POU1F1: variants seen among roughly 807,000 people sequenced by gnomAD.
POU1F1 encodes pituitary-specific positive transcription factor 1.
POU1F1 carries 23 observed loss-of-function variants against 32.3 expected under a neutral mutation model. The ratio of observed to expected loss-of-function variants is 0.71; its 90% CI spans 0.51 to 1.01. The LOEUF (loss-of-function observed/expected upper bound fraction) is 1.01, where lower values mean the gene tolerates loss of function less well. POU1F1 is among the 50% of genes least tolerant of loss of function. The pLI is 0.00. For synonymous variants in POU1F1, 120 were observed against 115.6 expected (o/e 1.04, Z -0.25); for missense variants, 323 against 341.6 (o/e 0.95, Z 0.43).
chr3:87,274,377 T>G (rs1706788976), intron 1 of POU1F1, among the ~76,000 whole-genome samples: 1 of 152,014 alleles, frequency 6.6e-6, no homozygotes, highest in African/African-American at 2.4e-5. Flanking sequence ...TCCTTCATAT[T>G]CTGAATATAT....
rs1269595329 is a variant in POU1F1 at position 87,261,324 on chromosome 3, T to A, written c.614A>T (p.Asn205Ile). 1 of 1,591,944 alleles carries A rather than the reference T, an allele frequency of 6.3e-7. No individual in the cohort carries two copies. Among genetic ancestry groups the A allele is most frequent in the Non-Finnish European group, 8.6e-7 (1 of 1,164,032 alleles). Residue 205 changes from asparagine (N) to isoleucine (I), a missense_variant, in exon 5 of 6, where the codon AAT (asparagine) becomes ATT (isoleucine). Asn to Ile is a moderately radical substitution (Grantham distance 149, BLOSUM62 -3). Coordinates refer to ENST00000350375, the MANE Select transcript of POU1F1 (RefSeq NM_000306.4). ...EEAEQVGALY[N>I]EKVGANERKR... ...CCTTTCATTTGCTCCCACTTTTTCA[T>A]TGTACAAAGCTATAATGTGGAAAAG...
chr3:87,267,422 C>T (rs1161874876), intron 2 of POU1F1, among the ~76,000 whole-genome samples: 1 of 152,082 alleles, frequency 6.6e-6, no homozygotes, highest in Non-Finnish European at 1.5e-5. Context: ...AAAATCATTG[C>T]CCGGTTCATT....
chr3:87,270,085 A>G (rs908603073), intron 2 of POU1F1, among the ~76,000 whole-genome samples: 1 of 152,086 alleles, frequency 6.6e-6, no homozygotes, highest in Admixed American at 6.6e-5. Context: ...GAGACTTTGA[A>G]CAGCATCTGT....
In POU1F1 at chr3:87,260,085, G is replaced by A; in HGVS notation, c.685C>T (p.Leu229=). 2 of 1,613,794 alleles carry A rather than the reference G, an allele frequency of 1.2e-6. No homozygotes were observed. Among genetic ancestry groups the A allele is most frequent in the Non-Finnish European group, 1.7e-6 (2 of 1,179,892 alleles). Residue 229 remains leucine, a synonymous_variant, in exon 6 of 6, where the codon CTG becomes TTG. Coordinates refer to ENST00000350375, the MANE Select transcript of POU1F1 (RefSeq NM_000306.4). ...TTISIAAKDA[L]ERHFGEQNKP... is the part of the protein sequence containing the mutation. ...TTCTGTTCTCCAAAGTGTCTCTCCA[G>A]AGCATCTTTAGCAGCAATGCTGGCG...
intron 3 of POU1F1, among the ~76,000 whole-genome samples, chr3:87,262,628 T>C (rs1307241794): frequency 5.3e-5 from 8 of 152,074 alleles, no homozygotes. Context: ...CTATAATGCA[T>C]AAAATATACG....
rs1290062215 is a variant in POU1F1, at chr3:87,259,763, G to A, written c.*131C>T. ...GTTGGTTTCTTTTTTTTAAAAAAAA[G>A]TGGAAAAGTAAAGCTTCTGTAAAAG... On this transcript the variant is annotated 3_prime_UTR_variant, in exon 6 of 6. Transcript: ENST00000350375. The A allele has an allele frequency of 5.5e-6, 4 of 729,120 alleles. No individual in the cohort carries two copies. Among genetic ancestry groups the A allele is most frequent in the Non-Finnish European group, 6.8e-6 (3 of 444,030 alleles). 45.2% of individuals were successfully genotyped at this position (729,120 alleles called of 1,614,324 possible).
chr3:87,271,817 C>T (rs1575982089), intron 2 of POU1F1, among the ~76,000 whole-genome samples: 1 of 152,016 alleles, frequency 6.6e-6, no homozygotes, highest in East Asian at 1.9e-4. Context: ...TAAAAAAAGA[C>T]GTCAGGATTT....
chr3:87,267,813 C>T (rs1258493849), intron 2 of POU1F1, among the ~76,000 whole-genome samples: 2 of 151,996 alleles, frequency 1.3e-5, no homozygotes, highest in Non-Finnish European at 2.9e-5. Context: ...ACTATGTTGC[C>T]CAGGCTGGTC....
intron 2 of POU1F1, among the ~76,000 whole-genome samples, chr3:87,265,848 T>C (rs1706610673): frequency 6.6e-6 from 1 of 151,874 alleles, no homozygotes; most frequent in South Asian, 2.1e-4. Context: ...GATTTTGGTA[T>C]CCTTGGGGGT....
chr3:87,272,754 T>C (rs969556492), intron 2 of POU1F1, among the ~76,000 whole-genome samples: 48 of 152,186 alleles, frequency 3.2e-4, no homozygotes, highest in South Asian at 4.1e-4. Flanking sequence ...TGCTAAAGCC[T>C]GAAACAGCTA....
intron 3 of POU1F1, among the ~76,000 whole-genome samples, chr3:87,262,694 AG>A (rs1706535361): frequency 6.6e-6 from 1 of 152,156 alleles, no homozygotes; most frequent in Admixed American, 6.6e-5. Flanking sequence ...ATATTGTTGA[AG>A]GGTACTAAAT....
intron 1 of POU1F1, 157 bp from the exon 2 acceptor site, chr3:87,273,575 CATGCCAAT>C: frequency 7.4e-7 from 1 of 1,359,694 alleles, no homozygotes; most frequent in Non-Finnish European, 9.9e-7. Context: ...CTTAAAGTTA[CATGCCAAT>C]ATGTTTTTCT....
chr3:87,269,767 T>TA (rs1342300786), intron 2 of POU1F1, among the ~76,000 whole-genome samples: 1 of 151,984 alleles, frequency 6.6e-6, no homozygotes, highest in Non-Finnish European at 1.5e-5. Flanking sequence ...GTTTGGGACT[T>TA]AAACAAGTTT....
At chr3:87,261,141 C>A (rs1026435987) in intron 5 of POU1F1, 132 bp downstream of exon 5, 2 of 672,294 alleles carry the variant, frequency 3.0e-6, no homozygotes, top group Non-Finnish European at 2.6e-6. Context: ...GAGCTCCTGA[C>A]CTCAGGCCCG....
chr3:87,272,621 G>A (rs1706748551), intron 2 of POU1F1, among the ~76,000 whole-genome samples: 2 of 152,102 alleles, frequency 1.3e-5, no homozygotes, highest in Admixed American at 1.3e-4. Context: ...CTTTATAGAA[G>A]GATCAATAAG....
intron 3 of POU1F1, 93 bp from the exon 4 acceptor site, chr3:87,262,328 T>C (rs1352039324): frequency 4.0e-5 from 54 of 1,334,328 alleles, no homozygotes; most frequent in Non-Finnish European, 5.4e-5. Context: ...CTTTGTCAAC[T>C]ATTACACACT....
intron 1 of POU1F1, among the ~76,000 whole-genome samples, chr3:87,275,344 C>T (rs185361217): frequency 4.6e-5 from 7 of 152,062 alleles, no homozygotes; most frequent in African/African-American, 1.7e-4. Context: ...GCCAAACTTA[C>T]GCATGTATTT....
intron 1 of POU1F1, among the ~76,000 whole-genome samples, chr3:87,275,289 A>G (rs1028609611): frequency 1.3e-5 from 2 of 152,032 alleles, no homozygotes; most frequent in Non-Finnish European, 2.9e-5. Context: ...ACCAAAGTCT[A>G]AATATCTGAC....
chr3:87,266,597 A>G (rs1706626287), intron 2 of POU1F1, among the ~76,000 whole-genome samples: 1 of 151,626 alleles, frequency 6.6e-6, no homozygotes. Flanking sequence ...TACTTTTGTA[A>G]AAGTCAGTTA....
Sources: gnomAD v4.1 joint callset for allele counts (sites outside exome capture counted in the v4.1 genomes callset) on GRCh38, gnomAD v4.1.1 for gene constraint, MANE v1.5 for transcripts, NCBI Gene and HGNC (gene_info 2026-07-23, HGNC 2026-07-21) for gene names.